The following EGFL6 variants were observed in gnomAD, a reference collection of about 807,000 sequenced individuals.
EGFL6 encodes epidermal growth factor-like protein 6.
A neutral mutation model predicts 43.1 loss-of-function variants in EGFL6; 42 were observed. The ratio of observed to expected loss-of-function variants is 0.98; its 90% CI spans 0.76 to 1.26. The LOEUF (loss-of-function observed/expected upper bound fraction) is 1.26. EGFL6 is among the 50% of genes most tolerant of loss of function. EGFL6 has a pLI of 0.00. For synonymous variants in EGFL6, 164 were observed against 163.2 expected (o/e 1.01, Z -0.04); for missense variants, 429 against 427.8 (o/e 1.00, Z -0.02).
chrX:13,592,605 A>G (rs975010832), intron 2 of EGFL6, among the ~76,000 whole-genome samples: 2 of 110,929 alleles, frequency 1.8e-5, no homozygotes, highest in Non-Finnish European at 3.8e-5. Context: ...ACAAAAACTG[A>G]TCAGTTGCAC....
intron 7 of EGFL6, among the ~76,000 whole-genome samples, chrX:13,613,777 A>C (rs2045704924): frequency 8.9e-6 from 1 of 112,143 alleles, no homozygotes. Context: ...CTCCTTACCA[A>C]AATTCAACAA....
At position 13,617,772 on chromosome X, in the gene EGFL6, GT is replaced by G. The variant is rs1286529672; in HGVS notation, c.822del (p.Thr275ProfsTer16). 8.3e-7 allele frequency: 1 copy of G among 1,211,205 alleles called. No individual in the cohort carries two copies. The highest frequency in any genetic ancestry group is 1.1e-6 in the Non-Finnish European group (1 of 895,258). ...NSVKEVLRAP[G>X]TIKDRIKKLL... The stretch of plus-strand genomic sequence containing the variant: ...GTGAAGGAAGTCCTCAGAGCACCTG[GT>G]ACCATCAAAGACAGAATCAAGAAGT... On this transcript the variant is annotated frameshift_variant, in exon 8 of 12. Coordinates refer to ENST00000361306, the MANE Select transcript of EGFL6 (RefSeq NM_015507.4). LOFTEE classifies it high-confidence loss of function.
At chrX:13,583,356 T>TG (rs2045518292) in intron 1 of EGFL6, among the ~76,000 whole-genome samples, 1 of 111,116 alleles carries the variant, frequency 9.0e-6, no homozygotes, top group East Asian at 2.8e-4. Flanking sequence ...AGAACACCCC[T>TG]CACCCACCCA....
chrX:13,599,122 C>T (rs1458697875), intron 3 of EGFL6, among the ~76,000 whole-genome samples: 4 of 109,778 alleles, frequency 3.6e-5, no homozygotes, highest in East Asian at 2.8e-4. Context: ...AAATAATAAT[C>T]GACAGGAGGC....
intron 5 of EGFL6, 98 bp from the exon 6 acceptor site, chrX:13,606,281 T>C: frequency 1.1e-6 from 1 of 947,900 alleles, no homozygotes; most frequent in Non-Finnish European, 1.5e-6. Flanking sequence ...CTATTATCAG[T>C]TTCCCAGATA....
At position 13,617,590 on chromosome X, in the gene EGFL6, T is replaced by G. The variant is rs908867344; in HGVS notation, c.779-140T>G. 5.9e-6 allele frequency: 3 copies of G among 506,901 alleles called. No individual in the cohort carries two copies. In the Admixed American group the frequency reaches 1.0e-4, roughly 17 times the overall value. The allele number at this position is 506,901 out of a possible 1,213,427, so 41.8% of individuals were successfully genotyped here. A position where few individuals can be genotyped will look rare whatever the true frequency, so the allele number is the denominator to read the frequency against. On this transcript the variant is annotated intron_variant, in intron 7 of 11. Transcript: ENST00000361306. Reference sequence around the variant, plus strand: ...AATACAAATATAGTTCTTCCTAATTTATCATCAAATAGTAGAGCCTCATGT... The same window carrying G: ...AATACAAATATAGTTCTTCCTAATTGATCATCAAATAGTAGAGCCTCATGT...
intron 7 of EGFL6, among the ~76,000 whole-genome samples, chrX:13,612,993 A>C (rs1427257624): frequency 9.2e-6 from 1 of 108,585 alleles, no homozygotes; most frequent in Non-Finnish European, 1.9e-5. Context: ...AAAATACAAA[A>C]AATTAGCCAG....
chrX:13,632,868 A>T, intron 11 of EGFL6, 117 bp from the exon 12 acceptor site: 1 of 616,192 alleles, frequency 1.6e-6, no homozygotes, highest in Non-Finnish European at 2.6e-6. Context: ...CAGTATATTC[A>T]ATGTCGAAGC....
chrX:13,617,993 A>C lies in EGFL6; in HGVS notation c.1042A>C (p.Arg348=), dbSNP rs769516380. ...GAAAGAGGGGCTTGAGGATGAGAAA[A>C]GAGAAGAGAAAGCCCTGAAGAATGA... ...KMKEGLEDEK[R]EEKALKNDIE... The change falls in exon 8 of 12, where the codon AGA becomes CGA. Residue 348 remains arginine (R), a synonymous_variant. Coordinates refer to ENST00000361306, the MANE Select transcript of EGFL6 (RefSeq NM_015507.4). 3 of 1,211,645 alleles carry C rather than the reference A, an allele frequency of 2.5e-6. No homozygotes were observed. Among genetic ancestry groups the C allele is most frequent in the Non-Finnish European group, 3.4e-6 (3 of 895,506 alleles).
At chrX:13,626,801 A>G in intron 10 of EGFL6, among the ~76,000 whole-genome samples, 1 of 112,676 alleles carries the variant, frequency 8.9e-6, no homozygotes, top group Non-Finnish European at 1.9e-5. Context: ...TTCTCTGACC[A>G]TCAATTTGTC....
intron 3 of EGFL6, among the ~76,000 whole-genome samples, chrX:13,598,393 T>C (rs958624625): frequency 3.9e-4 from 44 of 111,557 alleles, no homozygotes; most frequent in Non-Finnish European, 7.0e-4. Flanking sequence ...TTCCATGGAA[T>C]TTGTTTGTTT....
chrX:13,628,807 C>CA (rs758939538), intron 11 of EGFL6, among the ~76,000 whole-genome samples: 66 of 97,952 alleles, frequency 6.7e-4, no homozygotes, highest in African/African-American at 2.5e-3. Context: ...AACTCTATCT[C>CA]AAAAAAAACC....
chrX:13,620,601 A>G lies in EGFL6; in HGVS notation c.1183+1358A>G, dbSNP rs376584805. ...AAAACTCTTCAAAGCCTAGTAACCT[A>G]TGACCCAACTCCTACAGGCATTTTG... is the stretch of plus-strand genomic sequence containing the variant. On this transcript the variant is annotated intron_variant, in intron 9 of 11. Transcript: ENST00000361306. 7.2e-5 allele frequency among the ~76,000 whole-genome samples: 8 copies of G among 111,401 alleles called. No individual in the cohort carries two copies. In the South Asian group the frequency reaches 2.7e-3, roughly 37 times the overall value.
chrX:13,571,821 A>T (rs1377728918), intron 1 of EGFL6, among the ~76,000 whole-genome samples: 4 of 111,878 alleles, frequency 3.6e-5, no homozygotes, highest in African/African-American at 1.3e-4. Context: ...ACCCATGTTT[A>T]ATCAGCTCTA....
intron 1 of EGFL6, among the ~76,000 whole-genome samples, chrX:13,570,573 T>C (rs2045435866): frequency 9.0e-6 from 1 of 111,630 alleles, no homozygotes; most frequent in Non-Finnish European, 1.9e-5. Context: ...CTACTGCCCT[T>C]AAGCTTAGCT....
At chrX:13,571,779 G>A (rs1297801316) in intron 1 of EGFL6, among the ~76,000 whole-genome samples, 1 of 112,138 alleles carries the variant, frequency 8.9e-6, no homozygotes, top group Admixed American at 9.4e-5. Flanking sequence ...GCTTGGAAAT[G>A]TCAAGTGGTC....
chrX:13,588,071 G>T (rs1240241606), intron 1 of EGFL6, among the ~76,000 whole-genome samples: 1 of 112,234 alleles, frequency 8.9e-6, no homozygotes, highest in African/African-American at 3.2e-5. Context: ...AATATCAGTT[G>T]TGTAGAAGTT....
In EGFL6 at chrX:13,595,216, G is replaced by A. The variant is rs141669138; in HGVS notation, c.280+288G>A. On this transcript the variant is annotated intron_variant, in intron 3 of 11. Coordinates refer to ENST00000361306, the MANE Select transcript of EGFL6 (RefSeq NM_015507.4). ...TTACTTTTTTATTTCATCTCTTTCC[G>A]TAACACAGAAAAAAAGAGCCTTTTT... Among the ~76,000 whole-genome samples, 659 of 107,840 alleles carry A rather than the reference G, an allele frequency of 6.1e-3. 5 individuals are homozygous for A. Among genetic ancestry groups the A allele is most frequent in the African/African-American group, 0.021 (607 of 29,514 alleles). 93.6% of individuals were successfully genotyped at this position (107,840 alleles called of 115,157 possible).
At chrX:13,593,468 G>C (rs1282124800) in intron 2 of EGFL6, among the ~76,000 whole-genome samples, 1 of 111,583 alleles carries the variant, frequency 9.0e-6, no homozygotes, top group Non-Finnish European at 1.9e-5. Flanking sequence ...CGGCTAGGCA[G>C]AGATATGGTT....
Sources: allele counts gnomAD v4.1 joint callset (sites outside exome capture counted in the v4.1 genomes callset), GRCh38; gene constraint gnomAD v4.1.1; transcripts MANE v1.5; gene names NCBI Gene and HGNC (gene_info 2026-07-23, HGNC 2026-07-21).